FBXL20: variants seen among roughly 807,000 people sequenced by gnomAD.
FBXL20 encodes F-box and leucine rich repeat protein 20, also known as F-box/LRR-repeat protein 20.
Under a neutral mutation model 64.0 loss-of-function variants are expected in FBXL20, and 11 were observed. That is an observed-to-expected ratio of 0.17 (90% CI 0.11 to 0.28). The LOEUF (loss-of-function observed/expected upper bound fraction) is 0.28. FBXL20 is among the 10% of genes least tolerant of loss of function. The pLI, the probability that FBXL20 is intolerant of heterozygous loss-of-function variation, is 1.00. For synonymous variants in FBXL20, 184 were observed against 189.0 expected, an observed-to-expected ratio of 0.97 and a Z score of 0.22; for missense variants, 303 against 526.2, an observed-to-expected ratio of 0.58 and a Z score of 4.15.
At chr17:39,295,059 C>T (rs2047072459) in intron 6 of FBXL20, among the ~76,000 whole-genome samples, 1 of 152,010 alleles carries the variant, frequency 6.6e-6, no homozygotes. Flanking sequence ...ATGTCTAGGA[C>T]TTTTTTTCAA....
intron 2 of FBXL20, among the ~76,000 whole-genome samples, chr17:39,338,541 T>A (rs1488360698): frequency 4.0e-5 from 6 of 151,634 alleles, no homozygotes; most frequent in Non-Finnish European, 1.5e-5. Context: ...TAAAAAATAA[T>A]AATAATAATA....
rs1247320287 is a variant in FBXL20, at chr17:39,260,313, C to G, written c.*1147G>C. On this transcript the variant is annotated 3_prime_UTR_variant, in exon 15 of 15. Transcript: ENST00000264658. Reference sequence around the variant, plus strand: ...AATGTCTGAACTTGGGTGTTGGGGACTTTCAGGCTCTGTTTTGTGATTTAT... The same window carrying G: ...AATGTCTGAACTTGGGTGTTGGGGAGTTTCAGGCTCTGTTTTGTGATTTAT... The G allele has an allele frequency of 6.6e-6, 1 of 152,092 alleles. No homozygotes were observed. The highest frequency in any genetic ancestry group is 1.9e-4 in the East Asian group (1 of 5,200). 9.4% of individuals were successfully genotyped at this position (152,092 alleles called of 1,614,324 possible).
chr17:39,307,827 T>C (rs758666083), intron 2 of FBXL20, among the ~76,000 whole-genome samples: 1 of 151,790 alleles, frequency 6.6e-6, no homozygotes, highest in Non-Finnish European at 1.5e-5. Flanking sequence ...AAAAACTAGC[T>C]GGGTGTGGTG....
intron 12 of FBXL20, among the ~76,000 whole-genome samples, chr17:39,267,578 T>C (rs1455550402): frequency 1.3e-5 from 2 of 152,222 alleles, no homozygotes; most frequent in African/African-American, 4.8e-5. Context: ...TAACTTGGGT[T>C]ATTTTCCCAA....
At chr17:39,319,200 G>T (rs531113725) in intron 2 of FBXL20, among the ~76,000 whole-genome samples, 1 of 151,846 alleles carries the variant, frequency 6.6e-6, no homozygotes, top group East Asian at 1.9e-4. Context: ...AGCGAGTTGA[G>T]ATCGCATCAC....
intron 6 of FBXL20, among the ~76,000 whole-genome samples, chr17:39,286,976 G>C (rs186997985): frequency 7.3e-6 from 1 of 136,890 alleles, no homozygotes; most frequent in African/African-American, 2.8e-5. Context: ...GCAGTGGCAC[G>C]ATCTTGGCTC....
chr17:39,261,603 G>A, intron 14 of FBXL20, 36 bp from the exon 15 acceptor site: 1 of 1,467,312 alleles, frequency 6.8e-7, no homozygotes, highest in Non-Finnish European at 9.4e-7. Context: ...GTTTAAGAGA[G>A]GGCTTAAACA....
At chr17:39,315,847 GAGAGAGA>G (rs2047285315) in intron 2 of FBXL20, among the ~76,000 whole-genome samples, 1 of 97,248 alleles carries the variant, frequency 1.0e-5, no homozygotes, top group African/African-American at 5.6e-5. Context: ...GAGAGAGAGA[GAGAGAGA>G]GAGAGAGAGA....
intron 1 of FBXL20, among the ~76,000 whole-genome samples, chr17:39,363,735 CG>C (rs2047822632): frequency 7.1e-6 from 1 of 139,880 alleles, no homozygotes. Context: ...TGCTTAAGCC[CG>C]GAAGTTGAAG....
intron 1 of FBXL20, among the ~76,000 whole-genome samples, chr17:39,366,025 G>T (rs571347988): frequency 1.3e-5 from 2 of 151,580 alleles, no homozygotes; most frequent in African/African-American, 2.4e-5. Context: ...ATGGGGTCTC[G>T]CTATGTCTGA....
intron 1 of FBXL20, among the ~76,000 whole-genome samples, chr17:39,360,050 T>C (rs573013187): frequency 6.6e-6 from 1 of 152,188 alleles, no homozygotes; most frequent in Admixed American, 6.5e-5. Flanking sequence ...AAAATTTACA[T>C]AAAAACATAT....
chr17:39,391,952 G>T (rs534903983), intron 1 of FBXL20, among the ~76,000 whole-genome samples: 121 of 151,850 alleles, frequency 8.0e-4, no homozygotes, highest in African/African-American at 2.7e-3. Flanking sequence ...GACCAGTCTG[G>T]CCAACACGGT....
chr17:39,392,655 T>C (rs12947984), intron 1 of FBXL20, among the ~76,000 whole-genome samples: 4,905 of 152,162 alleles, frequency 0.032, 277 homozygotes, highest in African/African-American at 0.11. Flanking sequence ...ACTCTGCAGA[T>C]AGTAAGCCAA....
At chr17:39,383,142 A>G (rs12947707) in intron 1 of FBXL20, among the ~76,000 whole-genome samples, 1 of 149,912 alleles carries the variant, frequency 6.7e-6, no homozygotes, top group South Asian at 2.1e-4. Flanking sequence ...CAGCCTGGCA[A>G]CAGAGTGAGA....
intron 1 of FBXL20, among the ~76,000 whole-genome samples, chr17:39,378,294 T>G (rs2047988582): frequency 6.6e-6 from 1 of 152,016 alleles, no homozygotes; most frequent in Non-Finnish European, 1.5e-5. Context: ...AACCCAACAA[T>G]AAAAATACAA....
chr17:39,321,977 A>T (rs1338883856), intron 2 of FBXL20, among the ~76,000 whole-genome samples: 6 of 151,992 alleles, frequency 3.9e-5, no homozygotes, highest in Admixed American at 3.9e-4. Flanking sequence ...CCAGCAGTAG[A>T]TATTTCATTT....
intron 1 of FBXL20, among the ~76,000 whole-genome samples, chr17:39,346,414 T>A (rs1277235894): frequency 6.6e-6 from 1 of 151,988 alleles, no homozygotes; most frequent in East Asian, 1.9e-4. Flanking sequence ...AGGAAACCTG[T>A]ATACAGTTTA....
At chr17:39,397,979 G>A (rs1389945690) in intron 1 of FBXL20, among the ~76,000 whole-genome samples, 2 of 147,948 alleles carry the variant, frequency 1.4e-5, no homozygotes, top group Admixed American at 6.9e-5. Flanking sequence ...TAAAACTAGA[G>A]GTAACTAGCC....
At chr17:39,319,673 C>CAAAA (rs71300077) in intron 2 of FBXL20, among the ~76,000 whole-genome samples, 55 of 47,298 alleles carry the variant, frequency 1.2e-3, no homozygotes, top group Non-Finnish European at 1.3e-3. Context: ...GACTCCATAT[C>CAAAA]AAAAAAAAAA....
Sources: gnomAD v4.1 joint callset for allele counts (sites outside exome capture counted in the v4.1 genomes callset) on GRCh38, gnomAD v4.1.1 for gene constraint, MANE v1.5 for transcripts, NCBI Gene and HGNC (gene_info 2026-07-23, HGNC 2026-07-21) for gene names.